Variants in PITPNC1 observed in about 807,000 individuals in gnomAD.
The protein encoded by PITPNC1 is phosphatidylinositol transfer protein cytoplasmic 1, also known as cytoplasmic phosphatidylinositol transfer protein 1.
In PITPNC1, 18 loss-of-function variants were observed where a neutral mutation model predicts 44.7. That is an observed-to-expected ratio of 0.40 (90% CI 0.28 to 0.60). The LOEUF is 0.60. PITPNC1 is among the 20% of genes least tolerant of loss of function. The pLI, the probability that PITPNC1 is intolerant of heterozygous loss-of-function variation, is 0.39. For missense variants in PITPNC1, 290 were observed against 418.4 expected (o/e 0.69, Z 2.68); for synonymous variants, 141 against 149.6 (o/e 0.94, Z 0.42).
chr17:67,379,358 G>A (rs2037923370), intron 1 of PITPNC1: 1 of 985,372 alleles, frequency 1.0e-6, no homozygotes, highest in Admixed American at 6.1e-5. Flanking sequence ...GCTCACAGGG[G>A]CTGTCCGTAT....
intron 8 of PITPNC1, among the ~76,000 whole-genome samples, chr17:67,688,920 T>C (rs988798574): frequency 6.6e-6 from 1 of 152,186 alleles, no homozygotes; most frequent in Non-Finnish European, 1.5e-5. Context: ...TTAAAGTCCA[T>C]GGCTGGGTGC....
At chr17:67,587,071 G>A (rs949988834) in intron 5 of PITPNC1, among the ~76,000 whole-genome samples, 8 of 152,292 alleles carry the variant, frequency 5.3e-5, no homozygotes, top group Non-Finnish European at 7.4e-5. Flanking sequence ...AAGTGGTGGT[G>A]CCATTGCCAT....
intron 5 of PITPNC1, among the ~76,000 whole-genome samples, chr17:67,579,177 G>C (rs1332712483): frequency 6.6e-6 from 1 of 152,186 alleles, no homozygotes; most frequent in Non-Finnish European, 1.5e-5. Flanking sequence ...TTGCTTATTA[G>C]TGTTGGGTAA....
At position 67,532,953 on chromosome 17, in the gene PITPNC1, G is replaced by A. The variant is rs970969341; in HGVS notation, c.197+3G>A. 4.4e-6 allele frequency: 7 copies of A among 1,606,884 alleles called. No individual in the cohort carries two copies. The Admixed American group carries it at 5.0e-5, about 12-fold the overall frequency. ...GAGAAGCGGGTGTATCTCAACAGGT[G>A]AGTCATGGCAGCCTGCGTTCTGCAC... On this transcript the variant is annotated splice_donor_region_variant and intron_variant, in intron 2 of 8. Coordinates refer to ENST00000581322, the MANE Select transcript of PITPNC1 (RefSeq NM_012417.4).
intron 5 of PITPNC1, among the ~76,000 whole-genome samples, chr17:67,628,254 A>G (rs921397288): frequency 2.0e-5 from 3 of 151,886 alleles, no homozygotes; most frequent in African/African-American, 7.3e-5. Flanking sequence ...TCTGCCTTGT[A>G]TTTTTGGTGA....
At position 67,669,492 on chromosome 17, in the gene PITPNC1, A is replaced by AT. The variant is rs36013607; in HGVS notation, c.463-5dup. ...AACTTTTAATATATCAATTTCTTTG[A>AT]TTTTTTTTTTTCTAGGATCCTAAGC... On this transcript the variant is annotated splice_polypyrimidine_tract_variant and intron_variant, in intron 6 of 8. Transcript: ENST00000581322. 0.014 allele frequency: 18,009 copies of AT among 1,320,060 alleles called. 253 individuals carry two copies. The highest frequency in any genetic ancestry group is 0.12 in the Admixed American group (5,067 of 41,080). 81.8% of individuals were successfully genotyped at this position (1,320,060 alleles called of 1,614,324 possible). A position where few individuals can be genotyped will look rare whatever the true frequency, so the allele number is the denominator to read the frequency against.
intron 1 of PITPNC1, among the ~76,000 whole-genome samples, chr17:67,505,338 T>G (rs8069291): frequency 0.076 from 11,501 of 152,274 alleles, 513 homozygotes; most frequent in African/African-American, 0.13. Flanking sequence ...GTTGTGATAG[T>G]TTAGTTTAAT....
At chr17:67,552,935 T>G (rs947285462) in intron 3 of PITPNC1, among the ~76,000 whole-genome samples, 10 of 152,178 alleles carry the variant, frequency 6.6e-5, no homozygotes, top group African/African-American at 2.4e-4. Context: ...GTATAATTTG[T>G]CTGTAAACAA....
At chr17:67,410,524 C>T (rs1336018043) in intron 1 of PITPNC1, among the ~76,000 whole-genome samples, 1 of 152,008 alleles carries the variant, frequency 6.6e-6, no homozygotes, top group Non-Finnish European at 1.5e-5. Context: ...GCTGGGACCA[C>T]GGGTGTGCAC....
intron 6 of PITPNC1, among the ~76,000 whole-genome samples, chr17:67,659,888 G>GC (rs2042318411): frequency 1.3e-5 from 2 of 151,130 alleles, no homozygotes; most frequent in South Asian, 4.2e-4. Flanking sequence ...TTTGTTTTTT[G>GC]TTTTTTTTAG....
chr17:67,531,834 T>C (rs539275043), intron 1 of PITPNC1, among the ~76,000 whole-genome samples: 138 of 152,276 alleles, frequency 9.1e-4, no homozygotes, highest in Non-Finnish European at 1.9e-3. Flanking sequence ...CGCATCGTCC[T>C]GCGTCCTGAC....
chr17:67,626,768 T>C lies in PITPNC1; in HGVS notation c.367-5375T>C, dbSNP rs149793681. Among the ~76,000 whole-genome samples the C allele has an allele frequency of 2.2e-4, 34 of 151,380 alleles. No homozygotes were observed. In the East Asian group the frequency reaches 5.8e-3, roughly 26 times the overall value. Reference sequence around the variant, plus strand: ...CCTGCACTGAGCCCTGTGGCAGCAATTGTGGGAAATTAGGGTGCTTACAAC... The same window carrying C: ...CCTGCACTGAGCCCTGTGGCAGCAACTGTGGGAAATTAGGGTGCTTACAAC... On this transcript the variant is annotated intron_variant, in intron 5 of 8. Coordinates refer to ENST00000581322, the MANE Select transcript of PITPNC1 (RefSeq NM_012417.4).
intron 1 of PITPNC1, among the ~76,000 whole-genome samples, chr17:67,438,664 G>T (rs746878318): frequency 2.0e-5 from 3 of 152,160 alleles, no homozygotes; most frequent in Non-Finnish European, 2.9e-5. Flanking sequence ...TTTAGAATAT[G>T]ATCTTTTACC....
At chr17:67,602,638 C>G (rs570946370) in intron 5 of PITPNC1, among the ~76,000 whole-genome samples, 1 of 152,276 alleles carries the variant, frequency 6.6e-6, no homozygotes, top group East Asian at 1.9e-4. Flanking sequence ...CAGTCATCAT[C>G]AATCACCAAT....
At chr17:67,554,509 T>C (rs1240458133) in intron 4 of PITPNC1, among the ~76,000 whole-genome samples, 1 of 152,098 alleles carries the variant, frequency 6.6e-6, no homozygotes, top group African/African-American at 2.4e-5. Flanking sequence ...CCGCCCACCT[T>C]GGCTTCCCAA....
At chr17:67,452,569 T>C (rs1411722179) in intron 1 of PITPNC1, among the ~76,000 whole-genome samples, 1 of 147,460 alleles carries the variant, frequency 6.8e-6, no homozygotes, top group Non-Finnish European at 1.5e-5. Flanking sequence ...CTGGAGTCAC[T>C]GCAACCTCCT....
At chr17:67,405,993 GCTATTTTTTC>G (rs2038392917) in intron 1 of PITPNC1, among the ~76,000 whole-genome samples, 1 of 152,068 alleles carries the variant, frequency 6.6e-6, no homozygotes, top group African/African-American at 2.4e-5. Flanking sequence ...TCAATAACTT[GCTATTTTTTC>G]CTAGTAACTT....
chr17:67,455,671 A>G (rs1598687283), intron 1 of PITPNC1, among the ~76,000 whole-genome samples: 1 of 151,750 alleles, frequency 6.6e-6, no homozygotes, highest in Admixed American at 6.6e-5. Flanking sequence ...CGAACTGCTG[A>G]CCTCAAGTGA....
chr17:67,567,501 C>A (rs537292218), intron 4 of PITPNC1, among the ~76,000 whole-genome samples: 1 of 149,852 alleles, frequency 6.7e-6, no homozygotes, highest in East Asian at 2.0e-4. Context: ...AAAAGAAATA[C>A]CTGGGCGACG....
Sources: allele counts gnomAD v4.1 joint callset (sites outside exome capture counted in the v4.1 genomes callset), GRCh38; gene constraint gnomAD v4.1.1; transcripts MANE v1.5; gene names NCBI Gene and HGNC (gene_info 2026-07-23, HGNC 2026-07-21).